Variants in UBN1 observed in about 807,000 individuals in gnomAD.
UBN1 encodes the protein ubinuclein-1.
In UBN1, 17 loss-of-function variants were observed where a neutral mutation model predicts 108.5. The ratio of observed to expected loss-of-function variants is 0.16; its 90% CI spans 0.11 to 0.24. UBN1 has a LOEUF of 0.24. Ranked by LOEUF, UBN1 falls within the 10% of genes least tolerant of loss-of-function variation. The pLI, the probability that UBN1 is intolerant of heterozygous loss-of-function variation, is 1.00. For missense variants in UBN1, 1,595 were observed against 1,394.4 expected (o/e 1.14, Z -2.29); for synonymous variants, 726 against 564.2 (o/e 1.29, Z -4.07).
intron 12 of UBN1, 140 bp from the exon 13 acceptor site, chr16:4,872,744 C>T: frequency 1.0e-6 from 1 of 957,582 alleles, no homozygotes; most frequent in Non-Finnish European, 1.6e-6. Flanking sequence ...GCTGGGATTA[C>T]AGGCGTGAGC....
intron 15 of UBN1, 29 bp downstream of exon 15, chr16:4,875,463 GC>G: frequency 6.3e-7 from 1 of 1,579,396 alleles, no homozygotes; most frequent in South Asian, 1.2e-5. Context: ...AGCCTGCCCT[GC>G]CCCACTCACA....
intron 14 of UBN1, 63 bp downstream of exon 14, chr16:4,873,136 AAC>A: frequency 6.2e-7 from 1 of 1,604,780 alleles, no homozygotes; most frequent in Non-Finnish European, 8.5e-7. Flanking sequence ...ATGCTCTGGA[AAC>A]AGTCAAGTGA....
At chr16:4,880,012 G>C (rs1174497904) in intron 17 of UBN1, 71 bp from the exon 18 acceptor site, 4 of 1,550,184 alleles carry the variant, frequency 2.6e-6, no homozygotes, top group Non-Finnish European at 3.6e-6. Context: ...CTTGAAGTTT[G>C]GTTACTACTG....
intron 7 of UBN1, among the ~76,000 whole-genome samples, chr16:4,864,873 A>G (rs1485608893): frequency 2.6e-5 from 4 of 152,234 alleles, no homozygotes; most frequent in South Asian, 2.1e-4. Flanking sequence ...GGGGAAAAAA[A>G]ACGAAAACAA....
At position 4,880,229 on chromosome 16, in the gene UBN1, G is replaced by C; in HGVS notation, c.*97G>C. On this transcript the variant is annotated 3_prime_UTR_variant, in exon 18 of 18. Transcript: ENST00000262376. The stretch of plus-strand genomic sequence containing the variant: ...CTCACTGCGCCCTTTCTGCTGCTTG[G>C]TGTTCTTCTGGAGGAGCGTGAGTTC... 5 of 1,384,518 alleles carry C rather than the reference G, an allele frequency of 3.6e-6. No homozygotes were observed. Among genetic ancestry groups the C allele is most frequent in the Middle Eastern group, 3.9e-4 (2 of 5,136 alleles). 85.8% of individuals were successfully genotyped at this position (1,384,518 alleles called of 1,614,324 possible).
chr16:4,871,714 G>A (rs1259737480), intron 12 of UBN1, among the ~76,000 whole-genome samples: 1 of 150,662 alleles, frequency 6.6e-6, no homozygotes, highest in Admixed American at 6.7e-5. Context: ...AACCTCCCGA[G>A]TAGCTGGGAC....
intron 10 of UBN1, 47 bp downstream of exon 10, chr16:4,870,681 C>T (rs1395432102): frequency 1.2e-6 from 2 of 1,608,284 alleles, no homozygotes; most frequent in Non-Finnish European, 8.5e-7. Context: ...CGTCTTGCCT[C>T]TTCCCCTCCC....
At chr16:4,863,052 T>C (rs1487847200) in intron 7 of UBN1, among the ~76,000 whole-genome samples, 2 of 152,160 alleles carry the variant, frequency 1.3e-5, no homozygotes, top group Non-Finnish European at 2.9e-5. Context: ...TTAAGAAACT[T>C]TGAAAAATGG....
chr16:4,874,192 C>T lies in UBN1; in HGVS notation c.1801-19C>T. The T allele has an allele frequency of 6.5e-7, 1 of 1,528,578 alleles. No homozygotes were observed. Among genetic ancestry groups the T allele is most frequent in the Non-Finnish European group, 8.8e-7 (1 of 1,140,356 alleles). 94.7% of individuals were successfully genotyped at this position (1,528,578 alleles called of 1,614,324 possible). ...ATCTTTGGACCTTTCTAAACATCAA[C>T]ATTTCTGTTTTCCTTTAGGAATCGT... On this transcript the variant is annotated intron_variant, in intron 14 of 17. Transcript: ENST00000262376.
intron 2 of UBN1, among the ~76,000 whole-genome samples, chr16:4,856,222 G>C (rs183309612): frequency 1.1e-4 from 16 of 152,302 alleles, no homozygotes; most frequent in African/African-American, 3.9e-4. Flanking sequence ...TCACCTTTTT[G>C]GGGACTACAG....
At chr16:4,850,198 C>G (rs1358040184) in intron 1 of UBN1, among the ~76,000 whole-genome samples, 1 of 152,084 alleles carries the variant, frequency 6.6e-6, no homozygotes, top group Non-Finnish European at 1.5e-5. Context: ...AAAACAACCC[C>G]AAATCTAAGT....
At position 4,880,805 on chromosome 16, in the gene UBN1, T is replaced by C. The variant is rs1375049479; in HGVS notation, c.*673T>C. On this transcript the variant is annotated 3_prime_UTR_variant, in exon 18 of 18. Coordinates refer to ENST00000262376, the MANE Select transcript of UBN1 (RefSeq NM_001079514.3). ...ACACCTATTTTGGGCTCAGTTTTCA[T>C]CATTACCATTAAATGCATTGGATAG... is the stretch of plus-strand genomic sequence containing the variant. 4 of 152,716 alleles carry C rather than the reference T, an allele frequency of 2.6e-5. No individual in the cohort carries two copies. The highest frequency in any genetic ancestry group is 9.7e-5 in the African/African-American group (4 of 41,438). 9.5% of individuals were successfully genotyped at this position (152,716 alleles called of 1,614,324 possible).
chr16:4,850,764 T>C (rs897671621), intron 1 of UBN1, among the ~76,000 whole-genome samples: 5 of 152,238 alleles, frequency 3.3e-5, no homozygotes, highest in Non-Finnish European at 5.9e-5. Flanking sequence ...TATATACAAA[T>C]ACGTCTACAT....
intron 12 of UBN1, 116 bp downstream of exon 12, chr16:4,871,417 C>A: frequency 1.4e-6 from 2 of 1,435,260 alleles, no homozygotes; most frequent in Non-Finnish European, 9.3e-7. Flanking sequence ...GCTGCCTCAA[C>A]TCTGATCTCA....
At chr16:4,851,568 A>G (rs138375271) in intron 1 of UBN1, among the ~76,000 whole-genome samples, 1 of 152,262 alleles carries the variant, frequency 6.6e-6, no homozygotes, top group African/African-American at 2.4e-5. Context: ...TTAACTGCAT[A>G]CAAAGTTATA....
chr16:4,860,038 C>A lies in UBN1; in HGVS notation c.671+70C>A, dbSNP rs533230236. 1.1e-4 allele frequency: 177 copies of A among 1,587,858 alleles called. 1 individual carries two copies. Among genetic ancestry groups the A allele is most frequent in the Non-Finnish European group, 1.4e-4 (166 of 1,166,316 alleles). On this transcript the variant is annotated intron_variant, in intron 6 of 17. Coordinates refer to ENST00000262376, the MANE Select transcript of UBN1 (RefSeq NM_001079514.3). ...AGGGCAGGACGACTGGGAGCTGACT[C>A]ACCTCCTCCCCACAGCTTCGGAAGA...
intron 8 of UBN1, 112 bp downstream of exon 8, chr16:4,869,015 C>T: frequency 1.0e-6 from 1 of 991,724 alleles, no homozygotes. Context: ...AGGTGACCAC[C>T]AAGGAGATAA....
intron 17 of UBN1, among the ~76,000 whole-genome samples, chr16:4,878,498 C>A (rs2142300246): frequency 6.6e-6 from 1 of 152,142 alleles, no homozygotes; most frequent in East Asian, 1.9e-4. Flanking sequence ...CCATATGGGG[C>A]AAGACTAAAT....
chr16:4,858,540 C>T (rs1013485837), intron 3 of UBN1, 28 bp from the exon 4 acceptor site: 1 of 1,600,502 alleles, frequency 6.2e-7, no homozygotes, highest in Non-Finnish European at 8.6e-7. Flanking sequence ...ATTCAAAAAG[C>T]ATGTAATCTA....
Sources: gnomAD v4.1 joint callset for allele counts (sites outside exome capture counted in the v4.1 genomes callset) on GRCh38, gnomAD v4.1.1 for gene constraint, MANE v1.5 for transcripts, NCBI Gene and HGNC (gene_info 2026-07-23, HGNC 2026-07-21) for gene names.